Variants in QTMAN observed in about 807,000 individuals in gnomAD.
QTMAN encodes the protein tRNA-queuosine alpha-mannosyltransferase.
the QTMAN span, among the ~76,000 whole-genome samples, chr2:144,175,173 G>A: frequency 3.3e-5 from 5 of 152,032 alleles, no homozygotes; most frequent in East Asian, 9.6e-4. Flanking sequence ...AAAAATATAT[G>A]AAAGATAATG....
At chr2:144,002,601 T>C in the QTMAN span, among the ~76,000 whole-genome samples, 9 of 152,016 alleles carry the variant, frequency 5.9e-5, no homozygotes, top group East Asian at 1.7e-3. Flanking sequence ...TTAACAAATA[T>C]GATTTTTTAA....
chr2:143,952,759 A>G, the QTMAN span: 3 of 1,529,502 alleles, frequency 2.0e-6, no homozygotes, highest in Non-Finnish European at 2.7e-6. Flanking sequence ...ATGAATGTAC[A>G]TTAAAGCAGC....
At chr2:144,005,371 G>A in the QTMAN span, among the ~76,000 whole-genome samples, 4 of 151,966 alleles carry the variant, frequency 2.6e-5, no homozygotes, top group East Asian at 1.9e-4. Flanking sequence ...TGTGTCAGGC[G>A]GGAACCTGCG....
At chr2:144,302,389 CTG>C in the QTMAN span, among the ~76,000 whole-genome samples, 1 of 152,114 alleles carries the variant, frequency 6.6e-6, no homozygotes, top group African/African-American at 2.4e-5. Flanking sequence ...AGCAATCTCC[CTG>C]TCTTTACTGA....
chr2:144,105,267 A>C, the QTMAN span, among the ~76,000 whole-genome samples: 1 of 152,234 alleles, frequency 6.6e-6, no homozygotes, highest in Non-Finnish European at 1.5e-5. Flanking sequence ...ATGACTTTGA[A>C]GAGCTGAGAG....
the QTMAN span, among the ~76,000 whole-genome samples, chr2:144,109,494 T>G: frequency 2.0e-5 from 3 of 152,136 alleles, no homozygotes; most frequent in Non-Finnish European, 2.9e-5. Context: ...GGGCAAGGAC[T>G]TCATGTTCAG....
At chr2:143,939,489 CA>C in the QTMAN span, 3 of 152,150 alleles carry the variant, frequency 2.0e-5, no homozygotes, top group African/African-American at 7.2e-5. Context: ...GTTTTTTGGA[CA>C]CACCTCTTAT....
At chr2:144,300,228 C>A in the QTMAN span, among the ~76,000 whole-genome samples, 1 of 152,146 alleles carries the variant, frequency 6.6e-6, no homozygotes, top group Non-Finnish European at 1.5e-5. Context: ...TGCCACTGAC[C>A]TATACACTTA....
At chr2:144,229,687 G>T in the QTMAN span, among the ~76,000 whole-genome samples, 21 of 152,218 alleles carry the variant, frequency 1.4e-4, no homozygotes, top group East Asian at 3.9e-3. Flanking sequence ...AGTTAGGCGT[G>T]GGGGGAAGAA....
chr2:144,280,455 AGG>A, the QTMAN span, among the ~76,000 whole-genome samples: 1 of 152,214 alleles, frequency 6.6e-6, no homozygotes, highest in Non-Finnish European at 1.5e-5. Context: ...ATTAAACAAA[AGG>A]CAGTGCAGGA....
chr2:143,976,103 G>T, the QTMAN span, among the ~76,000 whole-genome samples: 5 of 152,056 alleles, frequency 3.3e-5, no homozygotes, highest in African/African-American at 1.2e-4. Context: ...ATTCCTTCAA[G>T]ATCACACAGA....
the QTMAN span, chr2:144,128,129 T>C: frequency 1.3e-5 from 2 of 152,020 alleles, no homozygotes; most frequent in African/African-American, 4.8e-5. Flanking sequence ...AGATAAATAA[T>C]TTATATAAAA....
the QTMAN span, among the ~76,000 whole-genome samples, chr2:144,207,044 T>A: frequency 2.6e-5 from 4 of 152,356 alleles, no homozygotes; most frequent in East Asian, 7.7e-4. Flanking sequence ...AGTCATATTT[T>A]AACACAGCAA....
chr2:143,999,200 A>G, the QTMAN span, among the ~76,000 whole-genome samples: 2 of 151,994 alleles, frequency 1.3e-5, no homozygotes, highest in African/African-American at 4.8e-5. Context: ...TGGAAAGTGC[A>G]AAGTTCTGTT....
chr2:144,023,208 CTT>C, the QTMAN span, among the ~76,000 whole-genome samples: 1 of 151,928 alleles, frequency 6.6e-6, no homozygotes, highest in Non-Finnish European at 1.5e-5. Flanking sequence ...GACAAGTTCA[CTT>C]TTAGGCATTA....
the QTMAN span, among the ~76,000 whole-genome samples, chr2:144,028,976 G>C: frequency 1.3e-5 from 2 of 152,182 alleles, no homozygotes; most frequent in African/African-American, 4.8e-5. Flanking sequence ...AGGAGAGTGA[G>C]AGTAGCAAAA....
chr2:143,979,390 C>G, the QTMAN span, among the ~76,000 whole-genome samples: 1 of 152,072 alleles, frequency 6.6e-6, no homozygotes, highest in Non-Finnish European at 1.5e-5. Context: ...TACAGCTGCA[C>G]GTGAATCTAT....
At chr2:144,118,646 G>A in the QTMAN span, among the ~76,000 whole-genome samples, 1 of 152,174 alleles carries the variant, frequency 6.6e-6, no homozygotes, top group East Asian at 1.9e-4. Flanking sequence ...CACTTTGGGA[G>A]GCCGAGGTGG....
chr2:144,034,044 G>A, the QTMAN span, among the ~76,000 whole-genome samples: 1 of 152,174 alleles, frequency 6.6e-6, no homozygotes, highest in South Asian at 2.1e-4. Flanking sequence ...ACACTGTCAA[G>A]GAGTCCCCTT....
Sources: gnomAD v4.1 joint callset for allele counts (sites outside exome capture counted in the v4.1 genomes callset) on GRCh38, gnomAD v4.1.1 for gene constraint, MANE v1.5 for transcripts, NCBI Gene and HGNC (gene_info 2026-07-23, HGNC 2026-07-21) for gene names.